HOXC5: variants seen among roughly 807,000 people sequenced by gnomAD.
The protein encoded by HOXC5 is homeobox protein Hox-C5.
Under a neutral mutation model 20.1 loss-of-function variants are expected in HOXC5, and 19 were observed. That is an observed-to-expected ratio of 0.94 (90% CI 0.66 to 1.38). The LOEUF (loss-of-function observed/expected upper bound fraction) is 1.38, where lower values mean the gene tolerates loss of function less well. Among genes scored for constraint, HOXC5 ranks in the 40% most tolerant of loss-of-function variants. HOXC5 has a pLI of 0.00. For synonymous variants in HOXC5, 124 were observed against 117.0 expected, an observed-to-expected ratio of 1.06 and a Z score of -0.39; for missense variants, 330 against 300.1, an observed-to-expected ratio of 1.10 and a Z score of -0.74.
upstream of HOXC5, chr12:54,028,287 G>T: frequency 2.9e-6 from 1 of 341,860 alleles, no homozygotes; most frequent in Non-Finnish European, 5.3e-6. Context: ...AGAAATCCAA[G>T]TCTTACTTTC....
upstream of HOXC5, among the ~76,000 whole-genome samples, chr12:54,031,046 C>T (rs923702887): frequency 1.0e-4 from 16 of 152,382 alleles, no homozygotes; most frequent in African/African-American, 3.6e-4. Flanking sequence ...ACACACACAC[C>T]CTGCGGGAAA....
At chr12:54,031,377 CA>C (rs1464107134), upstream of HOXC5, among the ~76,000 whole-genome samples, 1 of 152,182 alleles carries the variant, frequency 6.6e-6, no homozygotes, top group East Asian at 1.9e-4. Flanking sequence ...TTGAGCGATT[CA>C]AGGACATCTC....
upstream of HOXC5, chr12:54,028,815 C>G: frequency 1.2e-6 from 2 of 1,614,168 alleles, no homozygotes; most frequent in Non-Finnish European, 1.7e-6. Flanking sequence ...ACACACAGAC[C>G]TCAATCGCTC....
chr12:54,020,251 G>C, the HOXC5 span: 3 of 152,240 alleles, frequency 2.0e-5, no homozygotes, highest in African/African-American at 7.2e-5. Flanking sequence ...ACCCGGGGCA[G>C]AGACACTGAA....
the HOXC5 span, chr12:54,021,184 C>G: frequency 6.6e-6 from 1 of 152,270 alleles, no homozygotes; most frequent in Admixed American, 6.5e-5. Flanking sequence ...TGTTTCTCCC[C>G]CTGCTTGCCC....
At chr12:54,029,667 G>T, upstream of HOXC5, 1 of 1,613,204 alleles carries the variant, frequency 6.2e-7, no homozygotes, top group African/African-American at 1.3e-5. Flanking sequence ...GTCGGCTACG[G>T]AGCGGACCGG....
In HOXC5 at chr12:54,033,214, C is replaced by G. The variant is rs199703080; in HGVS notation, c.92C>G (p.Ser31Ter). The change falls in exon 1 of 2, where the codon TCA (serine) becomes TGA (stop). Residue 31 changes from serine to a stop codon, truncating the protein, a stop_gained. Transcript: ENST00000312492. LOFTEE classifies it high-confidence loss of function. ...MQTCGNYGSASEVQASRYCYG... is the reference protein window; with the variant it reads ...MQTCGNYGSA Reference sequence around the variant, plus strand: ...ACTTGTGGGAACTATGGATCGGCCTCAGAGGTGCAGGCATCCAGGTACTGC... The same window carrying G: ...ACTTGTGGGAACTATGGATCGGCCTGAGAGGTGCAGGCATCCAGGTACTGC... The G allele has an allele frequency of 6.2e-7, 1 of 1,614,204 alleles. No homozygotes were observed. Among genetic ancestry groups the G allele is most frequent in the East Asian group, 2.2e-5 (1 of 44,878 alleles).
At chr12:54,026,121 T>C in the HOXC5 span, among the ~76,000 whole-genome samples, 1 of 152,164 alleles carries the variant, frequency 6.6e-6, no homozygotes, top group African/African-American at 2.4e-5. Flanking sequence ...TCTCTGAAAT[T>C]GGAGGGGGGG....
At chr12:54,031,006 G>A (rs1203713515), upstream of HOXC5, among the ~76,000 whole-genome samples, 1 of 152,248 alleles carries the variant, frequency 6.6e-6, no homozygotes, top group Non-Finnish European at 1.5e-5. Flanking sequence ...GAGGGGCTGG[G>A]AGGCCTCTCT....
chr12:54,032,701 G>A (rs1002445805), upstream of HOXC5, among the ~76,000 whole-genome samples: 57 of 152,276 alleles, frequency 3.7e-4, no homozygotes, highest in African/African-American at 1.3e-3. Context: ...CCAGCCACCG[G>A]AAAGCAAGCT....
chr12:54,018,383 C>G, the HOXC5 span, among the ~76,000 whole-genome samples: 2 of 152,134 alleles, frequency 1.3e-5, no homozygotes, highest in Non-Finnish European at 2.9e-5. Context: ...CTAGGCTGGG[C>G]GGGGACAGGC....
upstream of HOXC5, chr12:54,028,568 G>A: frequency 6.2e-7 from 1 of 1,614,036 alleles, no homozygotes; most frequent in South Asian, 1.1e-5. Context: ...CACCTCGCCG[G>A]GGGCCAGGAC....
chr12:54,028,604 C>T, upstream of HOXC5: 1 of 1,614,128 alleles, frequency 6.2e-7, no homozygotes, highest in Non-Finnish European at 8.5e-7. Context: ...GCCCTCAATT[C>T]CACCGCCTAT....
In HOXC5 at chr12:54,034,669, T is replaced by G; in HGVS notation, c.*177T>G. The G allele has an allele frequency of 3.4e-6, 2 of 592,536 alleles. No homozygotes were observed. Among genetic ancestry groups the G allele is most frequent in the Non-Finnish European group, 6.0e-6 (2 of 335,780 alleles). The allele number at this position is 592,536 out of a possible 1,614,324, so 36.7% of individuals were successfully genotyped here. A position where few individuals can be genotyped will look rare whatever the true frequency, so the allele number is the denominator to read the frequency against. ...ATTCCGCATCCCTACCGACCCAGGG[T>G]TCCCGCGGGGCTGTCGGCGCTGCCC... On this transcript the variant is annotated 3_prime_UTR_variant, in exon 2 of 2. Transcript: ENST00000312492.
At chr12:54,021,551 C>G in the HOXC5 span, 1 of 152,236 alleles carries the variant, frequency 6.6e-6, no homozygotes, top group African/African-American at 2.4e-5. Context: ...GGGACCAGAG[C>G]GGGGCTGGAG....
the HOXC5 span, among the ~76,000 whole-genome samples, chr12:54,018,846 C>T: frequency 2.6e-5 from 4 of 152,188 alleles, no homozygotes; most frequent in African/African-American, 7.2e-5. Context: ...CCTCTACCCC[C>T]ACCCTCTCCC....
chr12:54,033,392 A>G lies in HOXC5; in HGVS notation c.270A>G (p.Glu90=), dbSNP rs944503999. The G allele has an allele frequency of 1.2e-6, 2 of 1,612,630 alleles. No homozygotes were observed. Among genetic ancestry groups the G allele is most frequent in the Non-Finnish European group, 1.7e-6 (2 of 1,179,534 alleles). The stretch of plus-strand genomic sequence containing the variant: ...CGGGACACGCTCCGGGCAGAGACGA[A>G]GCGGCTCCTCTGAACCCCGGGATGT... ...AAPGHAPGRD[E]AAPLNPGMYS... Residue 90 remains glutamate (E), a synonymous_variant, in exon 1 of 2, where the codon GAA becomes GAG. Transcript: ENST00000312492.
upstream of HOXC5, among the ~76,000 whole-genome samples, chr12:54,032,612 T>C (rs1195082167): frequency 6.6e-6 from 1 of 152,190 alleles, no homozygotes; most frequent in Non-Finnish European, 1.5e-5. Context: ...CCTCGTCTTT[T>C]CCCAATTTTA....
the HOXC5 span, among the ~76,000 whole-genome samples, chr12:54,028,043 G>A: frequency 2.6e-5 from 4 of 152,254 alleles, no homozygotes; most frequent in African/African-American, 7.2e-5. Context: ...GGAGAAATCA[G>A]GATGTAATTT....
Sources: gnomAD v4.1 joint callset for allele counts (sites outside exome capture counted in the v4.1 genomes callset) on GRCh38, gnomAD v4.1.1 for gene constraint, MANE v1.5 for transcripts, NCBI Gene and HGNC (gene_info 2026-07-23, HGNC 2026-07-21) for gene names.